The following MEGF11 variants were observed in gnomAD, a reference collection of about 807,000 sequenced individuals.
The protein encoded by MEGF11 is multiple epidermal growth factor-like domains protein 11.
Under a neutral mutation model 146.6 loss-of-function variants are expected in MEGF11, and 126 were observed. The ratio of observed to expected loss-of-function variants is 0.86; its 90% CI spans 0.74 to 1.00. The LOEUF (loss-of-function observed/expected upper bound fraction) is 1.00. Among genes scored for constraint, MEGF11 ranks in the 50% least tolerant of loss-of-function variants. The probability of loss-of-function intolerance (pLI) is 0.00; values close to 1 mark genes in which losing one functional copy is unlikely to be tolerated. For missense variants in MEGF11, 1,509 were observed against 1,521.2 expected, an observed-to-expected ratio of 0.99 and a Z score of 0.13; for synonymous variants, 532 against 583.4, an observed-to-expected ratio of 0.91 and a Z score of 1.27.
At position 66,106,282 on chromosome 15, in the gene MEGF11, AGGTTACT is replaced by A. The variant is rs1323443053; in HGVS notation, c.302-11795_302-11789del. Among the ~76,000 whole-genome samples, 3 of 152,208 alleles carry A rather than the reference AGGTTACT, an allele frequency of 2.0e-5. No individual in the cohort carries two copies. In the East Asian group the frequency reaches 5.8e-4, roughly 29 times the overall value. Reference sequence around the variant, plus strand: ...GCGTGCAGTTATGCACTTGGTACATAGGTTACTGGGGGCTTTTTCATGGACAGACATG... The same window carrying A: ...GCGTGCAGTTATGCACTTGGTACATAGGGGGCTTTTTCATGGACAGACATG... On this transcript the variant is annotated intron_variant, in intron 4 of 25. Coordinates refer to ENST00000395614, the MANE Select transcript of MEGF11 (RefSeq NM_001385028.1).
chr15:66,050,187 G>A (rs985903044), intron 5 of MEGF11, among the ~76,000 whole-genome samples: 2 of 152,164 alleles, frequency 1.3e-5, no homozygotes, highest in Admixed American at 6.5e-5. Flanking sequence ...AGCCTCCCGA[G>A]TAGCTGGAAC....
At chr15:66,008,431 A>ACG (rs1220277749) in intron 5 of MEGF11, among the ~76,000 whole-genome samples, 12 of 102,994 alleles carry the variant, frequency 1.2e-4, no homozygotes, top group Non-Finnish European at 2.0e-4. Flanking sequence ...ACACACACAC[A>ACG]CACACACACA....
intron 20 of MEGF11, among the ~76,000 whole-genome samples, chr15:65,912,841 G>A (rs2141198887): frequency 6.6e-6 from 1 of 152,308 alleles, no homozygotes; most frequent in African/African-American, 2.4e-5. Context: ...ACATACAGAA[G>A]GCAACACTTA....
chr15:66,185,108 G>T (rs72625767), intron 1 of MEGF11, among the ~76,000 whole-genome samples: 17 of 151,974 alleles, frequency 1.1e-4, no homozygotes, highest in African/African-American at 3.4e-4. Flanking sequence ...ATACATACTC[G>T]TTTCTTGAAA....
At chr15:66,084,089 T>C (rs1013164866) in intron 5 of MEGF11, among the ~76,000 whole-genome samples, 1 of 151,994 alleles carries the variant, frequency 6.6e-6, no homozygotes, top group African/African-American at 2.4e-5. Flanking sequence ...CATCATAGAG[T>C]GTACTTGCAC....
intron 1 of MEGF11, among the ~76,000 whole-genome samples, chr15:66,186,780 C>A (rs1388014586): frequency 1.3e-5 from 2 of 152,232 alleles, no homozygotes; most frequent in Admixed American, 1.3e-4. Context: ...TCTCTCTGTC[C>A]TGTTTGGCCA....
At chr15:65,898,281 C>G (rs1354367800) in intron 25 of MEGF11, 187 bp from the exon 26 acceptor site, 3 of 985,374 alleles carry the variant, frequency 3.0e-6, no homozygotes, top group Non-Finnish European at 3.6e-6. Flanking sequence ...CTGTCAACAT[C>G]CAAGCCTCTC....
intron 1 of MEGF11, among the ~76,000 whole-genome samples, chr15:66,190,717 C>A (rs561107304): frequency 1.3e-5 from 2 of 152,116 alleles, no homozygotes; most frequent in South Asian, 2.1e-4. Context: ...CCCTCCCTGG[C>A]GCCTCCATTC....
chr15:66,060,940 C>T (rs894944678), intron 5 of MEGF11, among the ~76,000 whole-genome samples: 1 of 152,192 alleles, frequency 6.6e-6, no homozygotes, highest in African/African-American at 2.4e-5. Flanking sequence ...ACCTGCTGTG[C>T]CCAGGACCCA....
chr15:65,941,520 G>A (rs1461747630), intron 10 of MEGF11, among the ~76,000 whole-genome samples: 2 of 152,144 alleles, frequency 1.3e-5, no homozygotes, highest in African/African-American at 2.4e-5. Context: ...AGTTGAGGCC[G>A]TGCCACTTAC....
intron 3 of MEGF11, among the ~76,000 whole-genome samples, chr15:66,120,876 G>A (rs1392415332): frequency 3.3e-5 from 5 of 152,114 alleles, no homozygotes; most frequent in African/African-American, 7.2e-5. Flanking sequence ...CATCATTAAC[G>A]CCCCTCAGGA....
chr15:66,119,097 T>G lies in MEGF11; in HGVS notation c.290A>C (p.Asp97Ala). ...CAGCCCCTACATACGTATGCAGAAG[T>G]CTCCGCTCTCATAGTAGCCAGGGCA... The part of the protein sequence containing the change: ...QCCPGYYESG[D>A]FCIPLCTEEC... Residue 97 changes from aspartate (D) to alanine (A), a missense_variant, in exon 4 of 26, where the codon GAC becomes GCC. Transcript: ENST00000395614. 6.4e-7 allele frequency: 1 copy of G among 1,550,588 alleles called. No homozygotes were observed. The highest frequency in any genetic ancestry group is 8.7e-7 in the Non-Finnish European group (1 of 1,146,578).
At chr15:66,161,138 A>G (rs921514101) in intron 1 of MEGF11, among the ~76,000 whole-genome samples, 1 of 152,218 alleles carries the variant, frequency 6.6e-6, no homozygotes, top group African/African-American at 2.4e-5. Flanking sequence ...GAAGCTCACA[A>G]GATCCTTGAA....
intron 4 of MEGF11, among the ~76,000 whole-genome samples, chr15:66,103,194 A>G (rs1024031755): frequency 1.6e-4 from 25 of 152,248 alleles, no homozygotes; most frequent in African/African-American, 5.8e-4. Flanking sequence ...GCCATATCCC[A>G]TCAGCTAAAA....
intron 4 of MEGF11, among the ~76,000 whole-genome samples, chr15:66,097,552 T>G (rs1468831636): frequency 6.6e-6 from 1 of 152,180 alleles, no homozygotes; most frequent in Non-Finnish European, 1.5e-5. Flanking sequence ...CTCTTCACAC[T>G]GCTGCACATC....
intron 1 of MEGF11, among the ~76,000 whole-genome samples, chr15:66,157,131 G>A (rs558751109): frequency 6.6e-6 from 1 of 152,240 alleles, no homozygotes; most frequent in South Asian, 2.1e-4. Context: ...CCAGAGACGT[G>A]CCAGCAGCTA....
chr15:65,905,998 C>T lies in MEGF11; in HGVS notation c.3055+87G>A, dbSNP rs1431498602. On this transcript the variant is annotated intron_variant, in intron 24 of 25. Coordinates refer to ENST00000395614, the MANE Select transcript of MEGF11 (RefSeq NM_001385028.1). ...TGGGGGGCAGGCACACACAGTTTGTCTCAAGTGGAATTCCTGGCCATTTCA... is the reference window on the plus strand; with the variant it reads ...TGGGGGGCAGGCACACACAGTTTGTTTCAAGTGGAATTCCTGGCCATTTCA... 7.8e-6 allele frequency: 9 copies of T among 1,153,782 alleles called. No individual in the cohort carries two copies. The Admixed American group carries it at 1.2e-4, about 16-fold the overall frequency. The allele number at this position is 1,153,782 out of a possible 1,614,324, so 71.5% of individuals were successfully genotyped here.
intron 4 of MEGF11, among the ~76,000 whole-genome samples, chr15:66,102,596 A>T (rs919025285): frequency 1.4e-5 from 2 of 145,848 alleles, no homozygotes; most frequent in Non-Finnish European, 3.1e-5. Flanking sequence ...TTAGCTAATT[A>T]AAAAAGTTTT....
At chr15:66,142,827 G>A (rs1872589656) in intron 1 of MEGF11, among the ~76,000 whole-genome samples, 1 of 152,230 alleles carries the variant, frequency 6.6e-6, no homozygotes, top group Non-Finnish European at 1.5e-5. Flanking sequence ...TCTCAAGCAG[G>A]TGGTCTCGCT....
Sources: allele counts gnomAD v4.1 joint callset (sites outside exome capture counted in the v4.1 genomes callset), GRCh38; gene constraint gnomAD v4.1.1; transcripts MANE v1.5; gene names NCBI Gene and HGNC (gene_info 2026-07-23, HGNC 2026-07-21).